Variants in SLC39A9 observed in about 807,000 individuals in gnomAD.
SLC39A9 encodes zinc transporter ZIP9.
In SLC39A9, 14 loss-of-function variants were observed where a neutral mutation model predicts 28.4. The observed-to-expected ratio is 0.49, with a 90% confidence interval of 0.33 to 0.77. SLC39A9 has a LOEUF of 0.77. Among genes scored for constraint, SLC39A9 ranks in the 30% least tolerant of loss-of-function variants. SLC39A9 has a pLI of 0.02. For synonymous variants in SLC39A9, 119 were observed against 149.6 expected, an observed-to-expected ratio of 0.80 and a Z score of 1.49; for missense variants, 283 against 381.1, an observed-to-expected ratio of 0.74 and a Z score of 2.14.
intron 2 of SLC39A9, among the ~76,000 whole-genome samples, chr14:69,431,469 T>C (rs1227017171): frequency 6.6e-6 from 1 of 151,886 alleles, no homozygotes; most frequent in Non-Finnish European, 1.5e-5. Flanking sequence ...TGATTAGGGA[T>C]GAAAATGAAC....
intron 3 of SLC39A9, among the ~76,000 whole-genome samples, chr14:69,445,127 A>C (rs1483125445): frequency 6.6e-6 from 1 of 152,178 alleles, no homozygotes; most frequent in Non-Finnish European, 1.5e-5. Context: ...GGAAATAAGA[A>C]AAACATACAG....
At chr14:69,434,807 CTT>C (rs1400171391) in intron 2 of SLC39A9, among the ~76,000 whole-genome samples, 2 of 152,188 alleles carry the variant, frequency 1.3e-5, no homozygotes, top group Non-Finnish European at 2.9e-5. Flanking sequence ...GCAACTTCCT[CTT>C]TTACCCGTGT....
intron 2 of SLC39A9, among the ~76,000 whole-genome samples, chr14:69,430,628 C>CTTTTTTTTTTTTTTT (rs71446389): frequency 7.3e-5 from 10 of 137,740 alleles, no homozygotes; most frequent in Non-Finnish European, 1.2e-4. Flanking sequence ...ATTTTTCTTT[C>CTTTTTTTTTTTTTTT]TTTTTTTTTT....
At chr14:69,454,723 C>A in intron 4 of SLC39A9, 89 bp from the exon 5 acceptor site, 1 of 1,029,588 alleles carries the variant, frequency 9.7e-7, no homozygotes. Context: ...TCCAGCTGGA[C>A]CTGACTGTAA....
At position 69,460,834 on chromosome 14, in the gene SLC39A9, G is replaced by A. The variant is rs967734169; in HGVS notation, c.*2241G>A. ...TCCCAGATTTTAAAGCTGCTGCCTC[G>A]AGAACTACTCATTTCTCTCCTGGTC... On this transcript the variant is annotated 3_prime_UTR_variant, in exon 7 of 7. Transcript: ENST00000336643. 1.8e-5 allele frequency: 18 copies of A among 985,236 alleles called. No individual in the cohort carries two copies. The Admixed American group carries it at 3.1e-4, about 17-fold the overall frequency. The allele number at this position is 985,236 out of a possible 1,614,324, so 61.0% of individuals were successfully genotyped here. A position where few individuals can be genotyped will look rare whatever the true frequency, so the allele number is the denominator to read the frequency against.
At chr14:69,442,030 G>A (rs760610672) in intron 2 of SLC39A9, 39 bp from the exon 3 acceptor site, 1 of 1,590,030 alleles carries the variant, frequency 6.3e-7, no homozygotes, top group Non-Finnish European at 8.6e-7. Flanking sequence ...GTTTTTAGGG[G>A]AAAAACATAT....
In SLC39A9 at chr14:69,458,949, T is replaced by A. The variant is rs1042485876; in HGVS notation, c.*356T>A. The A allele has an allele frequency of 3.0e-6, 3 of 1,016,070 alleles. No homozygotes were observed. Among genetic ancestry groups the A allele is most frequent in the Non-Finnish European group, 3.5e-6 (3 of 848,646 alleles). 62.9% of individuals were successfully genotyped at this position (1,016,070 alleles called of 1,614,324 possible). A position where few individuals can be genotyped will look rare whatever the true frequency, so the allele number is the denominator to read the frequency against. On this transcript the variant is annotated 3_prime_UTR_variant, in exon 7 of 7. Coordinates refer to ENST00000336643, the MANE Select transcript of SLC39A9 (RefSeq NM_018375.5). ...TGAAATAGTGATTATGAAAATACAG[T>A]GTTCTGTAATTAAGCTATGTCTCTT...
intron 2 of SLC39A9, among the ~76,000 whole-genome samples, chr14:69,439,698 G>GCTAT (rs1235292714): frequency 6.6e-6 from 1 of 152,124 alleles, no homozygotes; most frequent in East Asian, 1.9e-4. Flanking sequence ...ACATATTGGT[G>GCTAT]CTATCCCCTT....
chr14:69,432,152 G>C (rs190042368), intron 2 of SLC39A9, among the ~76,000 whole-genome samples: 1 of 152,298 alleles, frequency 6.6e-6, no homozygotes, highest in East Asian at 1.9e-4. Flanking sequence ...GCTTTCCACA[G>C]TGACTGAACT....
chr14:69,403,539 T>G (rs1462426707), intron 1 of SLC39A9, among the ~76,000 whole-genome samples: 1 of 151,876 alleles, frequency 6.6e-6, no homozygotes, highest in Admixed American at 6.6e-5. Context: ...ACCAATACAC[T>G]TATAAAAATG....
At chr14:69,439,296 C>T (rs552151286) in intron 2 of SLC39A9, among the ~76,000 whole-genome samples, 5 of 152,078 alleles carry the variant, frequency 3.3e-5, no homozygotes, top group African/African-American at 7.2e-5. Context: ...CAAACCTACA[C>T]GTTGCGCACA....
rs76895057 is a variant in SLC39A9 at position 69,400,980 on chromosome 14, T to TA, written c.96+1530dup. Among the ~76,000 whole-genome samples, 1,024 of 134,588 alleles carry TA rather than the reference T, an allele frequency of 7.6e-3. 5 individuals carry two copies. The highest frequency in any genetic ancestry group is 0.018 in the Middle Eastern group (5 of 274). 88.3% of individuals were successfully genotyped at this position (134,588 alleles called of 152,430 possible). On this transcript the variant is annotated intron_variant, in intron 1 of 6. Transcript: ENST00000336643. ...TGGGCAACATTGAGACTCTTTCTCT[T>TA]AAAAAAAAAAAAAAAGAAAATAAAA...
At chr14:69,422,577 C>T (rs747422913) in intron 1 of SLC39A9, among the ~76,000 whole-genome samples, 7 of 151,938 alleles carry the variant, frequency 4.6e-5, no homozygotes, top group Non-Finnish European at 7.4e-5. Flanking sequence ...GCCTGGCTCT[C>T]CTTGCCGGTT....
At chr14:69,404,196 C>T (rs891280534) in intron 1 of SLC39A9, among the ~76,000 whole-genome samples, 10 of 152,136 alleles carry the variant, frequency 6.6e-5, no homozygotes, top group Non-Finnish European at 2.9e-5. Context: ...TGTGAATAGC[C>T]ACTGGCAACA....
intron 4 of SLC39A9, 109 bp from the exon 5 acceptor site, chr14:69,454,703 C>T (rs754639366): frequency 3.9e-6 from 3 of 770,836 alleles, no homozygotes; most frequent in Non-Finnish European, 6.5e-6. Flanking sequence ...GGTTAAGTAA[C>T]ATTACTAGAT....
At chr14:69,436,192 A>G (rs1235337298) in intron 2 of SLC39A9, among the ~76,000 whole-genome samples, 1 of 151,850 alleles carries the variant, frequency 6.6e-6, no homozygotes, top group Non-Finnish European at 1.5e-5. Context: ...TCACTTGAGT[A>G]TAGGAGTTCC....
Position 69,399,380 on chromosome 14 carries a change from T to C in SLC39A9, c.11T>C (p.Phe4Ser), listed in dbSNP as rs774825483. The C allele has an allele frequency of 1.4e-5, 22 of 1,613,858 alleles. No homozygotes were observed. In the South Asian group the frequency reaches 2.4e-4, roughly 18 times the overall value. MDD[F>S]ISISLLSLAM... ...ATAAAGGAGGGCAGAATGGATGATT[T>C]CATCTCCATTAGCCTGCTGTCTCTG... The change falls in exon 1 of 7, where the codon TTC becomes TCC. Residue 4 changes from phenylalanine to serine, a missense_variant. Transcript: ENST00000336643.
At position 69,461,353 on chromosome 14, in the gene SLC39A9, C is replaced by A; in HGVS notation, c.*2760C>A. The stretch of plus-strand genomic sequence containing the variant: ...TCTCCAGTTAATTGCTTGTCAGTTC[C>A]ATTTCAAGAAAGCAGTGATGTTCCA... On this transcript the variant is annotated 3_prime_UTR_variant, in exon 7 of 7. Transcript: ENST00000336643. 1 of 1,109,554 alleles carries A rather than the reference C, an allele frequency of 9.0e-7. No homozygotes were observed. The highest frequency in any genetic ancestry group is 1.1e-6 in the Non-Finnish European group (1 of 903,620). 68.7% of individuals were successfully genotyped at this position (1,109,554 alleles called of 1,614,324 possible).
At position 69,461,514 on chromosome 14, in the gene SLC39A9, T is replaced by G; in HGVS notation, c.*2921T>G. 7.0e-7 allele frequency: 1 copy of G among 1,438,804 alleles called. No homozygotes were observed. Among genetic ancestry groups the G allele is most frequent in the East Asian group, 2.5e-5 (1 of 39,838 alleles). The allele number at this position is 1,438,804 out of a possible 1,614,324, so 89.1% of individuals were successfully genotyped here. On this transcript the variant is annotated 3_prime_UTR_variant, in exon 7 of 7. Transcript: ENST00000336643. ...TTTTCTCTTTCTCCCCGCTTTCACC[T>G]CTTTCTTTCCCAATTCAAAACAGCC...
Sources: gnomAD v4.1 joint callset for allele counts (sites outside exome capture counted in the v4.1 genomes callset) on GRCh38, gnomAD v4.1.1 for gene constraint, MANE v1.5 for transcripts, NCBI Gene and HGNC (gene_info 2026-07-23, HGNC 2026-07-21) for gene names.